The following MAP3K13 variants were observed in gnomAD, a reference collection of about 807,000 sequenced individuals.
MAP3K13 encodes the protein leucine zipper-bearing kinase.
Under a neutral mutation model 104.0 loss-of-function variants are expected in MAP3K13, and 52 were observed. The observed-to-expected ratio is 0.50, with a 90% CI of 0.40 to 0.63. MAP3K13 has a LOEUF of 0.63. Ranked by LOEUF, MAP3K13 falls within the 20% of genes least tolerant of loss-of-function variation. The pLI is 0.00. For missense variants in MAP3K13, 914 were observed against 1,218.5 expected, an observed-to-expected ratio of 0.75 and a Z score of 3.72; for synonymous variants, 394 against 442.2, an observed-to-expected ratio of 0.89 and a Z score of 1.37.
chr3:185,439,136 TC>T (rs1320785452), intron 3 of MAP3K13, among the ~76,000 whole-genome samples: 10 of 152,112 alleles, frequency 6.6e-5, no homozygotes, highest in Admixed American at 3.3e-4. Context: ...GAGTTTTGAT[TC>T]CCAAACAAGA....
At chr3:185,292,759 CT>C in intron 2 of MAP3K13, 1 of 985,308 alleles carries the variant, frequency 1.0e-6, no homozygotes, top group African/African-American at 1.7e-5. Flanking sequence ...TTTTTTTTCT[CT>C]GAGTTGAGTC....
chr3:185,348,586 A>G (rs1053021629), intron 2 of MAP3K13, among the ~76,000 whole-genome samples: 6 of 152,176 alleles, frequency 3.9e-5, no homozygotes, highest in Non-Finnish European at 4.4e-5. Context: ...CTATACTGAC[A>G]GGTGGATATT....
At position 185,483,190 on chromosome 3, in the gene MAP3K13, G is replaced by A. The variant is rs1718560413; in HGVS notation, c.*734G>A. The A allele has an allele frequency of 4.3e-6, 1 of 233,070 alleles. No homozygotes were observed. The highest frequency in any genetic ancestry group is 8.5e-6 in the Non-Finnish European group (1 of 117,922). The allele number at this position is 233,070 out of a possible 1,614,324, so 14.4% of individuals were successfully genotyped here. On this transcript the variant is annotated 3_prime_UTR_variant, in exon 14 of 14. Coordinates refer to ENST00000265026, the MANE Select transcript of MAP3K13 (RefSeq NM_004721.5). Reference sequence around the variant, plus strand: ...AACAAACAAACAAACCTGTGTATGTGGAAGCTGGTTTCATTTTTAAATGTT... The same window carrying A: ...AACAAACAAACAAACCTGTGTATGTAGAAGCTGGTTTCATTTTTAAATGTT...
chr3:185,343,653 G>A (rs1333674316), intron 2 of MAP3K13, among the ~76,000 whole-genome samples: 2 of 152,180 alleles, frequency 1.3e-5, no homozygotes, highest in East Asian at 1.9e-4. Context: ...GGGTTTCACC[G>A]TGTTGGCCAG....
intron 1 of MAP3K13, among the ~76,000 whole-genome samples, chr3:185,412,887 A>C (rs181150086): frequency 1.3e-5 from 2 of 152,154 alleles, no homozygotes; most frequent in African/African-American, 4.8e-5. Flanking sequence ...GTTCCTATTC[A>C]CCTTTTCCTC....
chr3:185,365,951 C>CCTT (rs1553794388), intron 1 of MAP3K13, among the ~76,000 whole-genome samples: 9 of 69,460 alleles, frequency 1.3e-4, no homozygotes, highest in Non-Finnish European at 2.3e-4. Context: ...CTCCCTCCCT[C>CCTT]CCTTCCTTCC....
chr3:185,347,204 C>T (rs1233818394), intron 2 of MAP3K13, among the ~76,000 whole-genome samples: 3 of 152,034 alleles, frequency 2.0e-5, no homozygotes, highest in Non-Finnish European at 4.4e-5. Context: ...CCAGGATGGT[C>T]TTGATCTCTT....
At position 185,450,265 on chromosome 3, in the gene MAP3K13, G is replaced by C. The variant is rs975635465; in HGVS notation, c.1169+207G>C. Among the ~76,000 whole-genome samples the C allele has an allele frequency of 4.6e-5, 7 of 152,130 alleles. No homozygotes were observed. The highest frequency in any genetic ancestry group is 1.7e-4 in the African/African-American group (7 of 41,424). On this transcript the variant is annotated intron_variant, in intron 6 of 13. Coordinates refer to ENST00000265026, the MANE Select transcript of MAP3K13 (RefSeq NM_004721.5). This position sits in a 1 kb window ranked among gnomAD's most constrained non-coding sequence, Gnocchi z 4.2. Reference sequence around the variant, plus strand: ...AATAGAGACAACACTGACTCATAGAGTTATTGTGTTGTAATTAATTAAAAT... The same window carrying C: ...AATAGAGACAACACTGACTCATAGACTTATTGTGTTGTAATTAATTAAAAT...
Position 185,383,987 on chromosome 3 carries a change from C to T in MAP3K13, c.-86+20619C>T, listed in dbSNP as rs574364673. Among the ~76,000 whole-genome samples the T allele has an allele frequency of 2.6e-5, 4 of 152,244 alleles. No homozygotes were observed. In the South Asian group the frequency reaches 6.2e-4, roughly 24 times the overall value. ...CTTCTTTTAGCTGCTTTGAAATATA[C>T]AATAAATTGTTGTTAACTATAGTCA... On this transcript the variant is annotated intron_variant, in intron 1 of 13. Coordinates refer to ENST00000265026, the MANE Select transcript of MAP3K13 (RefSeq NM_004721.5).
At chr3:185,304,935 C>G (rs1320829732) in intron 2 of MAP3K13, among the ~76,000 whole-genome samples, 3 of 152,130 alleles carry the variant, frequency 2.0e-5, no homozygotes, top group Admixed American at 2.0e-4. Flanking sequence ...CCCGGCCACC[C>G]CTGTTCTCTT....
In MAP3K13 at chr3:185,483,484, C is replaced by T. The variant is rs1443177147; in HGVS notation, c.*1028C>T. The T allele has an allele frequency of 1.7e-5, 4 of 229,272 alleles. No homozygotes were observed. The highest frequency in any genetic ancestry group is 5.7e-5 in the Admixed American group (1 of 17,638). 14.2% of individuals were successfully genotyped at this position (229,272 alleles called of 1,614,324 possible). A position where few individuals can be genotyped will look rare whatever the true frequency, so the allele number is the denominator to read the frequency against. On this transcript the variant is annotated 3_prime_UTR_variant, in exon 14 of 14. Coordinates refer to ENST00000265026, the MANE Select transcript of MAP3K13 (RefSeq NM_004721.5). ...AACATCTACAGTGGTGTTAGGAAAACGAACGTGGAATTTATAAAACTCCAT... is the reference window on the plus strand; with the variant it reads ...AACATCTACAGTGGTGTTAGGAAAATGAACGTGGAATTTATAAAACTCCAT...
intron 2 of MAP3K13, among the ~76,000 whole-genome samples, chr3:185,431,926 C>T (rs17822086): frequency 0.026 from 3,906 of 152,164 alleles, 73 homozygotes; most frequent in Middle Eastern, 0.054. Context: ...AAAAATTCTT[C>T]GTCAGTCCCT....
intron 1 of MAP3K13, among the ~76,000 whole-genome samples, chr3:185,422,461 A>C (rs531354941): frequency 6.6e-6 from 1 of 152,318 alleles, no homozygotes; most frequent in South Asian, 2.1e-4. Context: ...GATTAGACTC[A>C]TTCTCATGCC....
chr3:185,322,275 C>G (rs144756543), intron 2 of MAP3K13, among the ~76,000 whole-genome samples: 36 of 152,338 alleles, frequency 2.4e-4, no homozygotes, highest in Non-Finnish European at 4.3e-4. Context: ...CTTCTGTAAT[C>G]TGGGTTCCGT....
intron 1 of MAP3K13, among the ~76,000 whole-genome samples, chr3:185,378,012 G>A (rs1020179564): frequency 2.6e-5 from 4 of 152,168 alleles, no homozygotes; most frequent in Non-Finnish European, 4.4e-5. Context: ...GGGGTGGGGG[G>A]AGGTTCTGGA....
In MAP3K13 at chr3:185,430,195, CA is replaced by C. The variant is rs201019353; in HGVS notation, c.475+1152del. Among the ~76,000 whole-genome samples, 797 of 134,994 alleles carry C rather than the reference CA, an allele frequency of 5.9e-3. 8 individuals carry two copies. Among genetic ancestry groups the C allele is most frequent in the African/African-American group, 0.018 (672 of 36,812 alleles). 88.6% of individuals were successfully genotyped at this position (134,994 alleles called of 152,430 possible). On this transcript the variant is annotated intron_variant, in intron 2 of 13. Coordinates refer to ENST00000265026, the MANE Select transcript of MAP3K13 (RefSeq NM_004721.5). ...TGGTTGATACAGTGAAACTCTGCCT[CA>C]AAAAAAAAAAAATTAAGTTTTTAAC...
chr3:185,292,745 T>G, intron 2 of MAP3K13: 1 of 985,406 alleles, frequency 1.0e-6, no homozygotes, highest in South Asian at 4.7e-5. Context: ...AAGGCTATGT[T>G]AAATTTTTTT....
At chr3:185,449,837 G>A (rs1715788613) in intron 5 of MAP3K13, 63 bp from the exon 6 acceptor site, 1 of 1,405,190 alleles carries the variant, frequency 7.1e-7, no homozygotes, top group Non-Finnish European at 9.6e-7. Flanking sequence ...AATTAATAGA[G>A]AACTAAAATA....
chr3:185,455,233 GAGATAT>G lies in MAP3K13; in HGVS notation c.1278+3840_1278+3845del, dbSNP rs1411389519. Among the ~76,000 whole-genome samples the G allele has an allele frequency of 1.1e-3, 78 of 72,560 alleles. 1 individual carries two copies. The highest frequency in any genetic ancestry group is 2.0e-3 in the Non-Finnish European group (72 of 36,484). 47.6% of individuals were successfully genotyped at this position (72,560 alleles called of 152,430 possible). ...TATGAGATATATATATGATATATAT[GAGATAT>G]ATATATGATATATATGAGATATATG... On this transcript the variant is annotated intron_variant, in intron 7 of 13. Coordinates refer to ENST00000265026, the MANE Select transcript of MAP3K13 (RefSeq NM_004721.5).
Sources: allele counts gnomAD v4.1 joint callset (sites outside exome capture counted in the v4.1 genomes callset), GRCh38; gene constraint gnomAD v4.1.1; non-coding constraint Gnocchi (gnomAD v3.1); transcripts MANE v1.5; gene names NCBI Gene and HGNC (gene_info 2026-07-23, HGNC 2026-07-21).